PLCB4: variants seen among roughly 807,000 people sequenced by gnomAD.
PLCB4 encodes 1-phosphatidylinositol 4,5-bisphosphate phosphodiesterase beta-4.
PLCB4 carries 77 observed loss-of-function variants against 178.8 expected under a neutral mutation model. The ratio of observed to expected loss-of-function variants is 0.43; its 90% CI spans 0.36 to 0.52. The LOEUF (loss-of-function observed/expected upper bound fraction) is 0.52, where lower values mean the gene tolerates loss of function less well. Among genes scored for constraint, PLCB4 ranks in the 20% least tolerant of loss-of-function variants. The probability of loss-of-function intolerance (pLI) is 0.00; values close to 1 mark genes in which losing one functional copy is unlikely to be tolerated. For synonymous variants in PLCB4, 496 were observed against 490.8 expected (o/e 1.01, Z -0.14); for missense variants, 1,024 against 1,453.4 (o/e 0.70, Z 4.80).
rs146447972 is a variant in PLCB4, at chr20:9,208,294, C to T, written c.-78-9096C>T. On this transcript the variant is annotated intron_variant, in intron 2 of 39. Coordinates refer to ENST00000378473, the MANE Select transcript of PLCB4 (RefSeq NM_001377142.1). The stretch of plus-strand genomic sequence containing the variant: ...CTGCTCATCTATAAACCATTTCTGT[C>T]TCATAGAGTTTGATGAGATATAATG... 4.0e-4 allele frequency among the ~76,000 whole-genome samples: 61 copies of T among 152,276 alleles called. No individual in the cohort carries two copies. The East Asian group carries it at 9.3e-3, about 23-fold the overall frequency.
At chr20:9,095,142 T>C (rs973982999) in intron 1 of PLCB4, among the ~76,000 whole-genome samples, 2 of 152,202 alleles carry the variant, frequency 1.3e-5, no homozygotes, top group African/African-American at 2.4e-5. Flanking sequence ...TTTGCAGACA[T>C]GGACATGGTT....
chr20:9,199,467 G>T (rs1156452709), intron 2 of PLCB4, among the ~76,000 whole-genome samples: 1 of 152,160 alleles, frequency 6.6e-6, no homozygotes, highest in Non-Finnish European at 1.5e-5. Flanking sequence ...CTTTTTCAAT[G>T]TTCCCATCAC....
In PLCB4 at chr20:9,372,304, A is replaced by G. The variant is rs761560291; in HGVS notation, c.587A>G (p.Asn196Ser). The G allele has an allele frequency of 1.3e-6, 2 of 1,532,430 alleles. No individual in the cohort carries two copies. The highest frequency in any genetic ancestry group is 1.8e-6 in the Non-Finnish European group (2 of 1,107,810). 94.9% of individuals were successfully genotyped at this position (1,532,430 alleles called of 1,614,324 possible). A position where few individuals can be genotyped will look rare whatever the true frequency, so the allele number is the denominator to read the frequency against. Residue 196 changes from asparagine (N) to serine (S), a missense_variant and splice_region_variant, in exon 11 of 40, where the codon AAT (asparagine) becomes AGT (serine). Around this residue, in one of 7 missense-constraint regions of PLCB4, gnomAD observed 225 missense variants for 291.0 expected, o/e 0.77. Transcript: ENST00000378473. ...LKELGLPSGKNDEIEPTAFSY... is the reference protein window; with the variant it reads ...LKELGLPSGKSDEIEPTAFSY... ...ATAACATGATTTTATTCCTTACAGA[A>G]TGATGAAATTGAGCCCACAGCATTT...
chr20:9,182,908 T>C (rs2093270330), intron 2 of PLCB4, among the ~76,000 whole-genome samples: 1 of 152,138 alleles, frequency 6.6e-6, no homozygotes, highest in African/African-American at 2.4e-5. Context: ...ATCTAATTGC[T>C]CATTTTCATC....
intron 7 of PLCB4, among the ~76,000 whole-genome samples, chr20:9,347,387 A>G (rs1037509403): frequency 1.1e-4 from 17 of 152,326 alleles, no homozygotes; most frequent in Admixed American, 7.8e-4. Flanking sequence ...AATGACAAAC[A>G]TGTCTGTGGA....
intron 38 of PLCB4, among the ~76,000 whole-genome samples, chr20:9,474,003 G>A (rs1382889444): frequency 6.6e-6 from 1 of 152,150 alleles, no homozygotes; most frequent in Admixed American, 6.5e-5. Flanking sequence ...TGGATCAGGA[G>A]GTCAGGAGAT....
intron 3 of PLCB4, among the ~76,000 whole-genome samples, chr20:9,258,067 G>A (rs1037939588): frequency 3.9e-5 from 6 of 152,078 alleles, no homozygotes; most frequent in Admixed American, 2.0e-4. Flanking sequence ...ATCATTCCAC[G>A]TGGTCCTACA....
chr20:9,322,946 A>G (rs2094977128), intron 4 of PLCB4, among the ~76,000 whole-genome samples: 1 of 152,238 alleles, frequency 6.6e-6, no homozygotes, highest in African/African-American at 2.4e-5. Flanking sequence ...TGTTTGAAAA[A>G]TGGGAGTGAT....
intron 2 of PLCB4, among the ~76,000 whole-genome samples, chr20:9,123,303 C>T (rs1568792469): frequency 6.6e-6 from 1 of 151,886 alleles, no homozygotes; most frequent in Non-Finnish European, 1.5e-5. Context: ...TATTTTACTG[C>T]AGCTTGTAAA....
At chr20:9,339,500 T>C (rs968869344) in intron 7 of PLCB4, among the ~76,000 whole-genome samples, 1 of 152,222 alleles carries the variant, frequency 6.6e-6, no homozygotes, top group African/African-American at 2.4e-5. Context: ...ATTGTTCTTG[T>C]AGCTGGGTTT....
At chr20:9,105,778 C>T (rs2091340489) in intron 2 of PLCB4, among the ~76,000 whole-genome samples, 1 of 151,988 alleles carries the variant, frequency 6.6e-6, no homozygotes, top group South Asian at 2.1e-4. Context: ...AGCAGGGTCT[C>T]TACCACACTG....
intron 4 of PLCB4, among the ~76,000 whole-genome samples, chr20:9,316,260 G>A (rs1476275824): frequency 6.6e-6 from 1 of 152,108 alleles, no homozygotes; most frequent in Non-Finnish European, 1.5e-5. Flanking sequence ...GAAACTCCAG[G>A]AACTGGCCCA....
rs557324162 is a variant in PLCB4, at chr20:9,139,217, T to G, written c.-79+42875T>G. On this transcript the variant is annotated intron_variant, in intron 2 of 39. Transcript: ENST00000378473. ...CTATCTATATTCTGTTTTAGTTATC[T>G]CTTGCTTTTTAACAAACCACTCCAA... Among the ~76,000 whole-genome samples the G allele has an allele frequency of 6.5e-4, 99 of 152,254 alleles. 1 individual carries two copies. Among genetic ancestry groups the G allele is most frequent in the African/African-American group, 2.3e-3 (95 of 41,572 alleles).
At chr20:9,454,996 C>A (rs1381306542) in intron 33 of PLCB4, among the ~76,000 whole-genome samples, 2 of 152,138 alleles carry the variant, frequency 1.3e-5, no homozygotes, top group South Asian at 2.1e-4. Context: ...GTGAGTCACC[C>A]ACCTCGGAGC....
At chr20:9,109,468 G>C (rs1014554244) in intron 2 of PLCB4, among the ~76,000 whole-genome samples, 2 of 150,618 alleles carry the variant, frequency 1.3e-5, no homozygotes, top group African/African-American at 4.9e-5. Context: ...TAAAATGATT[G>C]CTTTTTTTTT....
chr20:9,229,111 T>C (rs948483793), intron 3 of PLCB4, among the ~76,000 whole-genome samples: 2 of 152,228 alleles, frequency 1.3e-5, no homozygotes, highest in Non-Finnish European at 2.9e-5. Context: ...ATAGCTATTA[T>C]TTTTGTTTAA....
chr20:9,301,519 T>C (rs533065785), intron 3 of PLCB4, among the ~76,000 whole-genome samples: 61 of 152,084 alleles, frequency 4.0e-4, no homozygotes, highest in African/African-American at 1.4e-3. Context: ...ACCTTATAGG[T>C]CTAGCAAGGA....
intron 14 of PLCB4, 44 bp downstream of exon 14, chr20:9,384,455 C>T (rs1379429365): frequency 7.6e-7 from 1 of 1,313,660 alleles, no homozygotes; most frequent in East Asian, 2.3e-5. Flanking sequence ...GTGTGATGCC[C>T]TTCAGTTTAA....
At chr20:9,399,667 G>A (rs2038881951) in intron 19 of PLCB4, among the ~76,000 whole-genome samples, 1 of 152,214 alleles carries the variant, frequency 6.6e-6, no homozygotes, top group South Asian at 2.1e-4. Context: ...GTGCATATCT[G>A]CACACTCAGA....
Sources: allele counts gnomAD v4.1 joint callset (sites outside exome capture counted in the v4.1 genomes callset), GRCh38; gene constraint gnomAD v4.1.1; regional missense constraint gnomAD v4.1.1; transcripts MANE v1.5; gene names NCBI Gene and HGNC (gene_info 2026-07-23, HGNC 2026-07-21).